CTNNA3: variants seen among roughly 807,000 people sequenced by gnomAD.
CTNNA3 encodes the protein catenin alpha-3.
In CTNNA3, 76 loss-of-function variants were observed where a neutral mutation model predicts 95.7. That is an observed-to-expected ratio of 0.79 (90% CI 0.66 to 0.96). CTNNA3 has a LOEUF of 0.96. CTNNA3 is among the 40% of genes least tolerant of loss of function. The pLI is 0.00. For synonymous variants in CTNNA3, 431 were observed against 374.4 expected, an observed-to-expected ratio of 1.15 and a Z score of -1.74; for missense variants, 1,191 against 1,089.8, an observed-to-expected ratio of 1.09 and a Z score of -1.31.
chr10:67,213,680 T>G (rs773648854), intron 6 of CTNNA3, among the ~76,000 whole-genome samples: 8 of 151,822 alleles, frequency 5.3e-5, no homozygotes, highest in Non-Finnish European at 1.0e-4. Context: ...TTACTTTCAA[T>G]TATAATTTAT....
At chr10:67,438,554 C>T (rs1846385186) in intron 5 of CTNNA3, among the ~76,000 whole-genome samples, 4 of 152,152 alleles carry the variant, frequency 2.6e-5, no homozygotes, top group African/African-American at 7.2e-5. Context: ...ACTAACTACA[C>T]ACAAAAAAGC....
At chr10:66,780,139 G>A (rs898530127) in intron 7 of CTNNA3, among the ~76,000 whole-genome samples, 1 of 152,110 alleles carries the variant, frequency 6.6e-6, no homozygotes. Flanking sequence ...GTTAGGAGAG[G>A]CCTGATCCTG....
At chr10:67,763,517 G>C (rs1001917994) in exon 1 of CTNNA3, among the ~76,000 whole-genome samples, 7 of 152,210 alleles carry the variant, frequency 4.6e-5, no homozygotes, top group African/African-American at 1.7e-4. Flanking sequence ...ATTATGAGAA[G>C]GGCAGTGGGG....
In CTNNA3 at chr10:67,711,353, C is replaced by T. The variant is rs1442270451; in HGVS notation, c.-2+52081G>A. 2.6e-5 allele frequency among the ~76,000 whole-genome samples: 4 copies of T among 152,252 alleles called. No individual in the cohort carries two copies. The East Asian group carries it at 7.7e-4, about 29-fold the overall frequency. On this transcript the variant is annotated intron_variant, in intron 1 of 17. Coordinates refer to the CTNNA3 transcript ENST00000684154. The stretch of plus-strand genomic sequence containing the variant: ...AAGAAAAATAAGGGAAAGTTTGGAA[C>T]TCCCTAGAAACTTGTTGAATGACTT...
chr10:67,641,652 A>T (rs1184383610), intron 2 of CTNNA3, among the ~76,000 whole-genome samples: 1 of 152,258 alleles, frequency 6.6e-6, no homozygotes, highest in African/African-American at 2.4e-5. Flanking sequence ...TGTGGCACAT[A>T]TACACCATGG....
intron 15 of CTNNA3, among the ~76,000 whole-genome samples, chr10:66,041,424 T>C (rs940004262): frequency 2.0e-5 from 3 of 152,240 alleles, no homozygotes; most frequent in Non-Finnish European, 4.4e-5. Flanking sequence ...GTTAATTTCA[T>C]GGTTTTGATC....
intron 11 of CTNNA3, among the ~76,000 whole-genome samples, chr10:66,519,693 T>G (rs533889427): frequency 1.4e-4 from 22 of 152,298 alleles, no homozygotes; most frequent in Admixed American, 3.3e-4. Flanking sequence ...GTTCCACATT[T>G]CTAGACTGAA....
intron 5 of CTNNA3, among the ~76,000 whole-genome samples, chr10:67,226,796 C>A (rs1193026396): frequency 6.6e-6 from 1 of 152,090 alleles, no homozygotes; most frequent in Admixed American, 6.6e-5. Flanking sequence ...TCATACAGGA[C>A]CTATAAAACA....
chr10:67,762,747 G>GC (rs1400174967), intron 1 of CTNNA3, among the ~76,000 whole-genome samples: 3 of 152,122 alleles, frequency 2.0e-5, no homozygotes, highest in African/African-American at 7.2e-5. Context: ...ACAGCCCGGC[G>GC]CCACACCCTG....
intron 9 of CTNNA3, among the ~76,000 whole-genome samples, chr10:66,668,743 T>C (rs1427483992): frequency 6.6e-6 from 1 of 151,896 alleles, no homozygotes; most frequent in African/African-American, 2.4e-5. Context: ...ACCTGGGCGG[T>C]GGAGGTTGCA....
At chr10:66,599,090 T>C (rs559392237) in intron 10 of CTNNA3, among the ~76,000 whole-genome samples, 2 of 151,988 alleles carry the variant, frequency 1.3e-5, no homozygotes, top group Admixed American at 1.3e-4. Context: ...AAATAAACCC[T>C]TGCATATACA....
chr10:67,606,792 C>A lies in CTNNA3; in HGVS notation c.292+65G>T, dbSNP rs562907578. The A allele has an allele frequency of 9.4e-6, 12 of 1,282,524 alleles. No homozygotes were observed. The East Asian group carries it at 2.6e-4, about 27-fold the overall frequency. The allele number at this position is 1,282,524 out of a possible 1,614,324, so 79.4% of individuals were successfully genotyped here. ...CAACAAAAACAAAACACTCACAAAT[C>A]TAATTTGGGTGACTAACACCCTAAA... On this transcript the variant is annotated intron_variant, in intron 3 of 17. Transcript: ENST00000433211.
At chr10:66,208,492 C>A (rs1195727404) in intron 13 of CTNNA3, among the ~76,000 whole-genome samples, 1 of 151,982 alleles carries the variant, frequency 6.6e-6, no homozygotes, top group African/African-American at 2.4e-5. Context: ...TAGTACTGTG[C>A]AGTTTCCACA....
At chr10:67,399,502 T>A (rs1844840488) in intron 5 of CTNNA3, among the ~76,000 whole-genome samples, 1 of 152,214 alleles carries the variant, frequency 6.6e-6, no homozygotes, top group Admixed American at 6.5e-5. Flanking sequence ...CCATCCTAAC[T>A]CTTTCAACAC....
chr10:66,256,211 T>G (rs181647948), intron 13 of CTNNA3, among the ~76,000 whole-genome samples: 1 of 152,266 alleles, frequency 6.6e-6, no homozygotes, highest in East Asian at 1.9e-4. Context: ...CCTGCCCTTT[T>G]ACAAGCTAGA....
chr10:67,000,188 G>A (rs1851597041), intron 7 of CTNNA3, among the ~76,000 whole-genome samples: 1 of 152,136 alleles, frequency 6.6e-6, no homozygotes, highest in Non-Finnish European at 1.5e-5. Context: ...ATTGCTATAT[G>A]AGCTCAAGAG....
chr10:66,301,716 T>G (rs2091866019), intron 12 of CTNNA3, among the ~76,000 whole-genome samples: 1 of 151,828 alleles, frequency 6.6e-6, no homozygotes, highest in South Asian at 2.1e-4. Flanking sequence ...AAGGGACCTT[T>G]CTCAACTTAA....
chr10:66,195,521 CAGTT>C (rs1471419040), intron 13 of CTNNA3, among the ~76,000 whole-genome samples: 1 of 152,140 alleles, frequency 6.6e-6, no homozygotes, highest in Non-Finnish European at 1.5e-5. Context: ...AGCCCTGTCT[CAGTT>C]AGCAGTGTAG....
intron 1 of CTNNA3, among the ~76,000 whole-genome samples, chr10:67,741,052 C>T (rs1367542187): frequency 6.6e-6 from 1 of 150,866 alleles, no homozygotes; most frequent in East Asian, 1.9e-4. Context: ...AGTAAACTAT[C>T]GCAAGAACAA....
Sources: gnomAD v4.1 joint callset for allele counts (sites outside exome capture counted in the v4.1 genomes callset) on GRCh38, gnomAD v4.1.1 for gene constraint, MANE v1.5 for transcripts, NCBI Gene and HGNC (gene_info 2026-07-23, HGNC 2026-07-21) for gene names.